Variants in NCF2 observed in about 807,000 individuals in gnomAD.
NCF2 encodes the protein neutrophil cytosol factor 2.
NCF2 carries 45 observed loss-of-function variants against 70.9 expected under a neutral mutation model. The observed-to-expected ratio is 0.63, with a 90% CI of 0.50 to 0.81. The LOEUF is 0.81. NCF2 is among the 40% of genes least tolerant of loss of function. NCF2 has a pLI of 0.00. For synonymous variants in NCF2, 203 were observed against 233.6 expected (o/e 0.87, Z 1.19); for missense variants, 522 against 631.6 (o/e 0.83, Z 1.86).
chr1:183,561,747 C>G (rs913618951), intron 13 of NCF2, among the ~76,000 whole-genome samples: 1 of 134,976 alleles, frequency 7.4e-6, no homozygotes, highest in African/African-American at 3.0e-5. Context: ...TCCCAAAGTG[C>G]TAGGATTTCA....
At chr1:183,569,005 TAGA>T in intron 7 of NCF2, 134 bp downstream of exon 7, 2 of 828,586 alleles carry the variant, frequency 2.4e-6, no homozygotes, top group South Asian at 1.4e-5. Context: ...CCTGACATTC[TAGA>T]AGAAGCCTGA....
chr1:183,563,761 C>A (rs1317623444), intron 11 of NCF2, 176 bp from the exon 12 acceptor site: 2 of 852,964 alleles, frequency 2.3e-6, no homozygotes, highest in Admixed American at 4.4e-5. Context: ...TTAGCCCAAC[C>A]CTTGCTTGGA....
chr1:183,556,947 TTTC>T (rs1309163779), intron 14 of NCF2, among the ~76,000 whole-genome samples: 4 of 152,220 alleles, frequency 2.6e-5, no homozygotes, highest in African/African-American at 7.2e-5. Flanking sequence ...TTTAGTAAAC[TTTC>T]TTCTTTTCAC....
chr1:183,600,586 A>G, the NCF2 span, among the ~76,000 whole-genome samples: 9 of 152,064 alleles, frequency 5.9e-5, no homozygotes, highest in African/African-American at 2.2e-4. Context: ...ATTAGAAGAC[A>G]TTGTCTAGAA....
chr1:183,563,859 C>A, intron 11 of NCF2, 146 bp downstream of exon 11: 1 of 958,280 alleles, frequency 1.0e-6, no homozygotes, highest in East Asian at 2.4e-5. Context: ...TTAAGAAGGT[C>A]CCTAGCTCAT....
At chr1:183,557,768 G>C (rs1285104798) in intron 14 of NCF2, among the ~76,000 whole-genome samples, 2 of 152,134 alleles carry the variant, frequency 1.3e-5, no homozygotes, top group Non-Finnish European at 2.9e-5. Context: ...TGAGCTGGTT[G>C]GTTGATTTAG....
rs2102882083 is a variant in NCF2 at position 183,563,179 on chromosome 1, C to T, written c.1290+16G>A. 2.5e-6 allele frequency: 4 copies of T among 1,609,102 alleles called. No homozygotes were observed. Among genetic ancestry groups the T allele is most frequent in the Non-Finnish European group, 3.4e-6 (4 of 1,175,470 alleles). On this transcript the variant is annotated intron_variant, in intron 13 of 14. Coordinates refer to ENST00000367535, the MANE Select transcript of NCF2 (RefSeq NM_000433.4). ...TCAGTGGAAATGTAACTTTAGATGC[C>T]CCTCATTGCACTCACCACTGTGTTC...
At position 183,563,249 on chromosome 1, in the gene NCF2, A is replaced by C. The variant is rs760169471; in HGVS notation, c.1236T>G (p.Asp412Glu). ...AGTAGTTTTTCACCTGGCCCCAGGC[A>C]TCCTTCATGCTGTCTTCTGAAAGGG... ...LVPLSEDSMKDAWGQVKNYCL... is the reference protein window; with the variant it reads ...LVPLSEDSMKEAWGQVKNYCL... The change falls in exon 13 of 15, where the codon GAT (aspartate) becomes GAG (glutamate). Residue 412 changes from aspartate (D) to glutamate (E), a missense_variant. Asp to Glu is a conservative substitution (Grantham distance 45). Coordinates refer to ENST00000367535, the MANE Select transcript of NCF2 (RefSeq NM_000433.4). 2.9e-5 allele frequency: 47 copies of C among 1,614,074 alleles called. No individual in the cohort carries two copies. The highest frequency in any genetic ancestry group is 3.9e-5 in the Non-Finnish European group (46 of 1,180,036).
In NCF2 at chr1:183,563,274, G is replaced by C; in HGVS notation, c.1211C>G (p.Pro404Arg). 2 of 1,614,146 alleles carry C rather than the reference G, an allele frequency of 1.2e-6. No homozygotes were observed. Among genetic ancestry groups the C allele is most frequent in the Non-Finnish European group, 1.7e-6 (2 of 1,180,028 alleles). ...ATCCTTCATGCTGTCTTCTGAAAGGGGCACCAGCTCATTGCTGTCCCGAGG... is the reference window on the plus strand; with the variant it reads ...ATCCTTCATGCTGTCTTCTGAAAGGCGCACCAGCTCATTGCTGTCCCGAGG... ...YRPRDSNELV[P>R]LSEDSMKDAW... is the part of the protein sequence containing the mutation. Residue 404 changes from proline to arginine, a missense_variant, in exon 13 of 15, where the codon CCC becomes CGC. By Grantham distance (103) the Pro-to-Arg change is moderately radical (BLOSUM62 -2). Coordinates refer to ENST00000367535, the MANE Select transcript of NCF2 (RefSeq NM_000433.4).
rs747272727 is a variant in NCF2 at position 183,573,274 on chromosome 1, G to A, written c.520C>T (p.Pro174Ser). ...ECVWKQKLYE[P>S]VVIPVGKLFR... ...AGCTTGCCCACAGGGATCACCACTG[G>A]CTCATATAGCTTCTGCTTCTGTAAC... Residue 174 changes from proline to serine, a missense_variant, in exon 5 of 15, where the codon CCA (proline) becomes TCA (serine). Pro to Ser is a moderately conservative substitution (Grantham distance 74). Transcript: ENST00000367535. 1 of 1,614,072 alleles carries A rather than the reference G, an allele frequency of 6.2e-7. No homozygotes were observed. The highest frequency in any genetic ancestry group is 1.7e-5 in the Admixed American group (1 of 60,024).
the NCF2 span, among the ~76,000 whole-genome samples, chr1:183,601,097 T>C: frequency 1.5e-4 from 23 of 152,384 alleles, no homozygotes; most frequent in African/African-American, 5.3e-4. Flanking sequence ...TGTCAAACTC[T>C]TCCTGCCCAT....
intron 3 of NCF2, among the ~76,000 whole-genome samples, chr1:183,577,074 C>T (rs761643153): frequency 3.3e-5 from 5 of 152,138 alleles, no homozygotes; most frequent in Non-Finnish European, 5.9e-5. Flanking sequence ...CAGATTTATG[C>T]CAAATTATCC....
rs549428558 is a variant in NCF2 at position 183,566,957 on chromosome 1, G to T, written c.887C>A (p.Pro296Gln). 1.2e-6 allele frequency: 2 copies of T among 1,614,052 alleles called. No individual in the cohort carries two copies. Among genetic ancestry groups the T allele is most frequent in the East Asian group, 4.5e-5 (2 of 44,904 alleles). ...CTGAGGGTGGATCCGCAGCTCAACT[G>T]GTTCAAGGTAGTTGCAGGGAACAAG... ...KGLVPCNYLE[P>Q]VELRIHPQQQ... Residue 296 changes from proline (P) to glutamine (Q), a missense_variant, in exon 9 of 15, where the codon CCA (proline) becomes CAA (glutamine). Physicochemically the swap from Pro to Gln is moderately conservative, Grantham distance 76. Transcript: ENST00000367535.
In NCF2 at chr1:183,566,877, T is replaced by A. The variant is rs764883778; in HGVS notation, c.924+43A>T. 8.1e-6 allele frequency: 13 copies of A among 1,610,448 alleles called. No individual in the cohort carries two copies. The Admixed American group carries it at 2.2e-4, about 27-fold the overall frequency. ...TTTCTCCCCTCCAGGGAGAGATCCC[T>A]AAAGGGTGAGAGGAAATGGGTCAGG... On this transcript the variant is annotated intron_variant, in intron 9 of 14. Transcript: ENST00000367535.
At chr1:183,577,937 G>C (rs72550873) in intron 2 of NCF2, among the ~76,000 whole-genome samples, 40 of 152,262 alleles carry the variant, frequency 2.6e-4, no homozygotes, top group Non-Finnish European at 4.6e-4. Flanking sequence ...TGAGTGCCTC[G>C]TCTTGGACAG....
At chr1:183,588,051 C>G (rs1363799624) in intron 1 of NCF2, among the ~76,000 whole-genome samples, 1 of 152,158 alleles carries the variant, frequency 6.6e-6, no homozygotes, top group East Asian at 1.9e-4. Context: ...TTCTGTCTTT[C>G]ATTCATATGA....
At chr1:183,571,802 G>A (rs1199344618) in intron 5 of NCF2, among the ~76,000 whole-genome samples, 3 of 152,210 alleles carry the variant, frequency 2.0e-5, no homozygotes, top group Non-Finnish European at 2.9e-5. Flanking sequence ...TGCTCTCTCA[G>A]TGCTTAGAGG....
Position 183,577,607 on chromosome 1 carries a change from C to T in NCF2, c.358G>A (p.Ala120Thr). ...KILGLQFKLF[A>T]CEVLYNIAFM... The stretch of plus-strand genomic sequence containing the variant: ...GGCCCTGTTCTCCTTACCTCACAGG[C>T]AAACAGCTTGAACTGGAGCCCCAGG... The change falls in exon 3 of 15, where the codon GCC becomes ACC. Residue 120 changes from alanine to threonine, a missense_variant. Ala to Thr is a moderately conservative substitution (Grantham distance 58, BLOSUM62 0). Transcript: ENST00000367535. 1.2e-6 allele frequency: 2 copies of T among 1,611,374 alleles called. No individual in the cohort carries two copies.
chr1:183,596,238 C>T, the NCF2 span, among the ~76,000 whole-genome samples: 2 of 149,572 alleles, frequency 1.3e-5, no homozygotes, highest in African/African-American at 5.0e-5. Context: ...ACTTAATTTG[C>T]TTGGCTAAAT....
Sources: gnomAD v4.1 joint callset for allele counts (sites outside exome capture counted in the v4.1 genomes callset) on GRCh38, gnomAD v4.1.1 for gene constraint, MANE v1.5 for transcripts, NCBI Gene and HGNC (gene_info 2026-07-23, HGNC 2026-07-21) for gene names.